CRYZL1: variants seen among roughly 807,000 people sequenced by gnomAD.
The protein encoded by CRYZL1 is ferry endosomal RAB5 effector complex subunit 4.
Under a neutral mutation model 50.6 loss-of-function variants are expected in CRYZL1, and 34 were observed. The observed-to-expected ratio is 0.67, with a 90% CI of 0.51 to 0.89. The LOEUF is 0.89. Among genes scored for constraint, CRYZL1 ranks in the 40% least tolerant of loss-of-function variants. The pLI is 0.00. For synonymous variants in CRYZL1, 125 were observed against 134.3 expected (o/e 0.93, Z 0.48); for missense variants, 354 against 402.3 (o/e 0.88, Z 1.03).
chr21:33,638,609 G>T (rs1040539221), intron 1 of CRYZL1, among the ~76,000 whole-genome samples: 4 of 152,182 alleles, frequency 2.6e-5, no homozygotes, highest in Non-Finnish European at 5.9e-5. Flanking sequence ...ATATTCAAAG[G>T]ACACTTTGCA....
At chr21:33,626,759 T>A (rs1204445082) in intron 2 of CRYZL1, among the ~76,000 whole-genome samples, 1 of 150,934 alleles carries the variant, frequency 6.6e-6, no homozygotes, top group Non-Finnish European at 1.5e-5. Context: ...ATTCAGACAC[T>A]CAATGTCATC....
intron 7 of CRYZL1, chr21:33,603,196 G>A (rs1404054274): frequency 1.9e-6 from 1 of 535,068 alleles, no homozygotes; most frequent in Non-Finnish European, 3.2e-6. Flanking sequence ...TGTACCAGCA[G>A]ATTCAAAGTC....
chr21:33,605,527 A>ATTATTTTTTTTTTTTTTTTTTT (rs1555904645), intron 6 of CRYZL1, among the ~76,000 whole-genome samples: 1 of 14,840 alleles, frequency 6.7e-5, no homozygotes, highest in South Asian at 3.5e-3. Flanking sequence ...CAGTACAAGA[A>ATTATTTTTTTTTTTTTTTTTTT]TTCTTTTTTT....
intron 11 of CRYZL1, 113 bp from the exon 12 acceptor site, chr21:33,591,320 A>T: frequency 1.2e-6 from 1 of 802,794 alleles, no homozygotes; most frequent in Non-Finnish European, 2.2e-6. Context: ...TTGCACTCTC[A>T]GAGACTCAAC....
intron 12 of CRYZL1, 88 bp downstream of exon 12, chr21:33,591,074 A>G: frequency 1.1e-6 from 1 of 901,272 alleles, no homozygotes; most frequent in South Asian, 1.3e-5. Flanking sequence ...GTACATGGCG[A>G]GAGCTAAAAC....
chr21:33,599,822 A>C (rs1291553865), intron 8 of CRYZL1, among the ~76,000 whole-genome samples: 1 of 151,420 alleles, frequency 6.6e-6, no homozygotes, highest in Non-Finnish European at 1.5e-5. Flanking sequence ...TTTTGTAGGG[A>C]GAGGGTCTTG....
intron 4 of CRYZL1, among the ~76,000 whole-genome samples, chr21:33,618,569 C>T (rs1768707415): frequency 6.6e-6 from 1 of 152,142 alleles, no homozygotes; most frequent in Non-Finnish European, 1.5e-5. Context: ...AGCTGGAAAC[C>T]TGAATCTGGA....
chr21:33,625,142 C>T (rs1301155449), intron 2 of CRYZL1, among the ~76,000 whole-genome samples: 1 of 151,858 alleles, frequency 6.6e-6, no homozygotes, highest in African/African-American at 2.4e-5. Flanking sequence ...ATACACATAA[C>T]GTATAACCTT....
chr21:33,630,573 G>A (rs1334908899), intron 2 of CRYZL1, among the ~76,000 whole-genome samples: 2 of 150,560 alleles, frequency 1.3e-5, no homozygotes, highest in Admixed American at 6.6e-5. Flanking sequence ...GCAACAGAGT[G>A]AGACTCTGTC....
At chr21:33,610,206 C>A (rs1306023726) in intron 6 of CRYZL1, among the ~76,000 whole-genome samples, 1 of 151,860 alleles carries the variant, frequency 6.6e-6, no homozygotes, top group African/African-American at 2.4e-5. Flanking sequence ...TGCTCTGTTG[C>A]CCAGGCTGGA....
intron 4 of CRYZL1, among the ~76,000 whole-genome samples, chr21:33,618,634 C>T (rs2086962451): frequency 6.6e-6 from 1 of 152,138 alleles, no homozygotes; most frequent in Non-Finnish European, 1.5e-5. Context: ...GCATTTGTTG[C>T]CACTAGCAAG....
rs756444288 is a variant in CRYZL1 at position 33,629,190 on chromosome 21, A to G, written c.66+2296T>C. Among the ~76,000 whole-genome samples the G allele has an allele frequency of 1.1e-4, 16 of 152,108 alleles. 1 individual carries two copies. The highest frequency in any genetic ancestry group is 4.4e-5 in the Non-Finnish European group (3 of 68,034). Reference sequence around the variant, plus strand: ...CAGTGAGCCCAGATTGCGCCACTGTATTCCAGTGTGGGTGATGGCGCAAGA... The same window carrying G: ...CAGTGAGCCCAGATTGCGCCACTGTGTTCCAGTGTGGGTGATGGCGCAAGA... On this transcript the variant is annotated intron_variant, in intron 2 of 12. Coordinates refer to ENST00000381554, the MANE Select transcript of CRYZL1 (RefSeq NM_145858.3).
rs1199954293 is a variant in CRYZL1 at position 33,597,620 on chromosome 21, G to GT, written c.677-220dup. Among the ~76,000 whole-genome samples the GT allele has an allele frequency of 4.0e-3, 393 of 97,982 alleles. 3 individuals carry two copies. The highest frequency in any genetic ancestry group is 5.7e-3 in the East Asian group (18 of 3,176). The allele number at this position is 97,982 out of a possible 152,430, so 64.3% of individuals were successfully genotyped here. ...CTGTGTCCGCCGGCACTCTCTTTTT[G>GT]TTTTTTTTTTGAGACGGAGTCTCGC... On this transcript the variant is annotated intron_variant, in intron 9 of 12. Coordinates refer to ENST00000381554, the MANE Select transcript of CRYZL1 (RefSeq NM_145858.3).
At chr21:33,602,207 A>T in intron 8 of CRYZL1, 27 bp downstream of exon 8, 1 of 1,210,946 alleles carries the variant, frequency 8.3e-7, no homozygotes, top group Non-Finnish European at 1.2e-6. Context: ...TTCCTGTTTT[A>T]AAGTCTGTGC....
At chr21:33,616,071 T>TC (rs2086927469) in intron 5 of CRYZL1, among the ~76,000 whole-genome samples, 1 of 151,602 alleles carries the variant, frequency 6.6e-6, no homozygotes. Flanking sequence ...CCCAATGCTA[T>TC]CCCTCCCCCC....
intron 2 of CRYZL1, among the ~76,000 whole-genome samples, chr21:33,629,715 CTCTT>C (rs949108699): frequency 2.0e-4 from 30 of 152,324 alleles, no homozygotes; most frequent in South Asian, 2.1e-4. Flanking sequence ...AATTCGAATG[CTCTT>C]TCTTTCTTTC....
chr21:33,592,795 T>C (rs909622319), intron 11 of CRYZL1, among the ~76,000 whole-genome samples: 6 of 152,146 alleles, frequency 3.9e-5, no homozygotes, highest in Non-Finnish European at 5.9e-5. Flanking sequence ...CTAACGCCTG[T>C]AATCCCAGCA....
In CRYZL1 at chr21:33,632,527, G is replaced by A. The variant is rs567708777; in HGVS notation, c.-6-970C>T. On this transcript the variant is annotated intron_variant, in intron 1 of 12. Coordinates refer to ENST00000381554, the MANE Select transcript of CRYZL1 (RefSeq NM_145858.3). ...CTAGTAGCTGGGATTACAGGCACGC[G>A]CCACCATGCCCGGCTAAATTTTGTA... 2.0e-3 allele frequency among the ~76,000 whole-genome samples: 300 copies of A among 151,756 alleles called. 1 individual carries two copies. The highest frequency in any genetic ancestry group is 6.9e-3 in the African/African-American group (287 of 41,422).
At chr21:33,612,363 T>C (rs1026822487) in intron 6 of CRYZL1, among the ~76,000 whole-genome samples, 20 of 151,746 alleles carry the variant, frequency 1.3e-4, no homozygotes, top group African/African-American at 4.8e-4. Flanking sequence ...CTCGGCTCCC[T>C]GTAACCTCCA....
Sources: allele counts gnomAD v4.1 joint callset (sites outside exome capture counted in the v4.1 genomes callset), GRCh38; gene constraint gnomAD v4.1.1; transcripts MANE v1.5; gene names NCBI Gene and HGNC (gene_info 2026-07-23, HGNC 2026-07-21).